MRPS6: variants seen among roughly 807,000 people sequenced by gnomAD.
MRPS6 encodes the protein small ribosomal subunit protein bS6m.
Under a neutral mutation model 13.1 loss-of-function variants are expected in MRPS6, and 6 were observed. That is an observed-to-expected ratio of 0.46 (90% CI 0.25 to 0.91). The LOEUF (loss-of-function observed/expected upper bound fraction) is 0.91. MRPS6 is among the 40% of genes least tolerant of loss of function. MRPS6 has a pLI of 0.18. For synonymous variants in MRPS6, 61 were observed against 56.5 expected, an observed-to-expected ratio of 1.08 and a Z score of -0.36; for missense variants, 164 against 155.6, an observed-to-expected ratio of 1.05 and a Z score of -0.29.
chr21:34,116,615 G>C (rs1556008566), intron 1 of MRPS6, among the ~76,000 whole-genome samples: 1 of 151,966 alleles, frequency 6.6e-6, no homozygotes, highest in Admixed American at 6.6e-5. Context: ...GCAGACCCTG[G>C]CTACGGATGA....
chr21:34,132,087 C>T (rs1183830580), intron 2 of MRPS6, among the ~76,000 whole-genome samples: 1 of 152,202 alleles, frequency 6.6e-6, no homozygotes, highest in Non-Finnish European at 1.5e-5. Flanking sequence ...TATCTGTGTA[C>T]TTGGGTCACT....
At chr21:34,088,969 G>C (rs1978538558) in intron 1 of MRPS6, among the ~76,000 whole-genome samples, 1 of 151,606 alleles carries the variant, frequency 6.6e-6, no homozygotes, top group African/African-American at 2.4e-5. Context: ...AATTCTTATT[G>C]AGTTACACAA....
At chr21:34,100,302 A>G (rs1979175074) in intron 1 of MRPS6, 1 of 1,000,144 alleles carries the variant, frequency 1.0e-6, no homozygotes. Context: ...ATGCAGGATG[A>G]TTATTGCATA....
At position 34,142,026 on chromosome 21, in the gene MRPS6, T is replaced by TCA. The variant is rs1359057463; in HGVS notation, c.186-369_186-368dup. ...TTAGAAGAGTATCTAATAGATGTTTTCACACACACACACAACATTAATGAA... is the reference window on the plus strand; with the variant it reads ...TTAGAAGAGTATCTAATAGATGTTTTCACACACACACACACAACATTAATGAA... On this transcript the variant is annotated intron_variant, in intron 2 of 2. Coordinates refer to ENST00000399312, the MANE Select transcript of MRPS6 (RefSeq NM_032476.4). 1.8e-4 allele frequency among the ~76,000 whole-genome samples: 27 copies of TCA among 152,134 alleles called. No homozygotes were observed. In the South Asian group the frequency reaches 1.9e-3, roughly 11 times the overall value.
intron 1 of MRPS6, among the ~76,000 whole-genome samples, chr21:34,091,721 G>A (rs1978703838): frequency 1.3e-5 from 2 of 152,204 alleles, no homozygotes; most frequent in Admixed American, 1.3e-4. Flanking sequence ...TGAGAAGGAT[G>A]CCTTCTCTTT....
At chr21:34,074,372 A>C (rs1426778060) in intron 1 of MRPS6, among the ~76,000 whole-genome samples, 1 of 152,230 alleles carries the variant, frequency 6.6e-6, no homozygotes, top group African/African-American at 2.4e-5. Context: ...CTTCAGCGAA[A>C]ATCCCGCTCC....
chr21:34,108,209 C>T (rs955992710), intron 1 of MRPS6, among the ~76,000 whole-genome samples: 3 of 152,178 alleles, frequency 2.0e-5, no homozygotes, highest in African/African-American at 7.2e-5. Context: ...TAACCACTCA[C>T]CCAAAGCAAC....
At chr21:34,098,956 T>A (rs1979102942) in intron 1 of MRPS6, 2 of 983,086 alleles carry the variant, frequency 2.0e-6, no homozygotes, top group African/African-American at 3.5e-5. Flanking sequence ...GAAATTACTT[T>A]CATAAATACT....
intron 1 of MRPS6, among the ~76,000 whole-genome samples, chr21:34,092,172 A>C (rs1783296): frequency 5.3e-5 from 8 of 152,054 alleles, no homozygotes. Flanking sequence ...ATTTTTAAGG[A>C]ATGTAGTTTA....
chr21:34,134,675 C>T (rs1980624625), intron 2 of MRPS6, among the ~76,000 whole-genome samples: 1 of 152,166 alleles, frequency 6.6e-6, no homozygotes, highest in South Asian at 2.1e-4. Flanking sequence ...TCATCCCAAG[C>T]AACCACTGAT....
At chr21:34,098,014 T>G in intron 1 of MRPS6, 1 of 999,332 alleles carries the variant, frequency 1.0e-6, no homozygotes, top group Non-Finnish European at 1.2e-6. Flanking sequence ...CTTTCTACTT[T>G]CAAGTTTAAG....
intron 1 of MRPS6, among the ~76,000 whole-genome samples, chr21:34,081,679 T>C (rs1989462104): frequency 1.3e-5 from 2 of 152,132 alleles, no homozygotes; most frequent in Non-Finnish European, 2.9e-5. Context: ...AGTAATTCAT[T>C]TGGGAGGGTA....
intron 1 of MRPS6, among the ~76,000 whole-genome samples, chr21:34,093,049 ACC>A (rs2148658359): frequency 6.6e-6 from 1 of 152,234 alleles, no homozygotes; most frequent in Non-Finnish European, 1.5e-5. Flanking sequence ...ATTTAACGAT[ACC>A]TTTTTAAATA....
intron 2 of MRPS6, among the ~76,000 whole-genome samples, chr21:34,132,793 A>G (rs1665493940): frequency 6.6e-6 from 1 of 152,144 alleles, no homozygotes; most frequent in Admixed American, 6.5e-5. Flanking sequence ...CTTCCAGTCT[A>G]TGATTCTGTA....
At chr21:34,090,474 TTGA>T (rs1290326780) in intron 1 of MRPS6, among the ~76,000 whole-genome samples, 4 of 152,236 alleles carry the variant, frequency 2.6e-5, no homozygotes, top group Non-Finnish European at 5.9e-5. Context: ...GAGCTAATAG[TTGA>T]TGAGACAGTT....
chr21:34,096,044 C>T lies in MRPS6; in HGVS notation c.45+22299C>T, dbSNP rs764829370. 8.1e-6 allele frequency: 13 copies of T among 1,613,978 alleles called. No homozygotes were observed. The highest frequency in any genetic ancestry group is 5.0e-5 in the Admixed American group (3 of 59,994). ...GGTACTGGTGTGCTGACCAAGTCAT[C>T]GTGCAGAGGGTCCTTGCAGCCAAAA... On this transcript the variant is annotated intron_variant, in intron 1 of 2. Transcript: ENST00000399312. The surrounding 1 kb of genome is among the most constrained non-coding windows in gnomAD (Gnocchi z 5.9).
intron 1 of MRPS6, chr21:34,124,015 G>C (rs769790879): frequency 6.6e-6 from 1 of 152,248 alleles, no homozygotes; most frequent in Non-Finnish European, 1.5e-5. Context: ...CCAAGGTTCT[G>C]CTGGTGATCT....
At position 34,096,795 on chromosome 21, in the gene MRPS6, A is replaced by T. The variant is rs1435920646; in HGVS notation, c.45+23050A>T. The T allele has an allele frequency of 6.2e-7, 1 of 1,613,898 alleles. No homozygotes were observed. Among genetic ancestry groups the T allele is most frequent in the Non-Finnish European group, 8.5e-7 (1 of 1,179,972 alleles). On this transcript the variant is annotated intron_variant, in intron 1 of 2. Transcript: ENST00000399312. This position sits in a 1 kb window ranked among gnomAD's most constrained non-coding sequence, Gnocchi z 5.9. Reference sequence around the variant, plus strand: ...CATTACTGTAATTGTGAGCCTTCTCACACCACCTCCCACAAAGGAACAGAT... The same window carrying T: ...CATTACTGTAATTGTGAGCCTTCTCTCACCACCTCCCACAAAGGAACAGAT...
intron 1 of MRPS6, 78 bp downstream of exon 1, chr21:34,073,823 C>T (rs1391387414): frequency 7.7e-6 from 9 of 1,162,080 alleles, no homozygotes; most frequent in African/African-American, 5.1e-5. Context: ...CCCGCGCGCC[C>T]TGGCCGCGGG....
Sources: allele counts gnomAD v4.1 joint callset (sites outside exome capture counted in the v4.1 genomes callset), GRCh38; gene constraint gnomAD v4.1.1; non-coding constraint Gnocchi (gnomAD v3.1); transcripts MANE v1.5; gene names NCBI Gene and HGNC (gene_info 2026-07-23, HGNC 2026-07-21).